The following NRG4 variants were observed in gnomAD, a reference collection of about 807,000 sequenced individuals.
NRG4 encodes neuregulin 4.
A neutral mutation model predicts 15.0 loss-of-function variants in NRG4; 10 were observed. The ratio of observed to expected loss-of-function variants is 0.67; its 90% CI spans 0.41 to 1.13. NRG4 has a LOEUF of 1.13. Among genes scored for constraint, NRG4 ranks in the 50% most tolerant of loss-of-function variants. The pLI is 0.00. For synonymous variants in NRG4, 41 were observed against 50.1 expected (o/e 0.82, Z 0.77); for missense variants, 139 against 140.2 (o/e 0.99, Z 0.04).
At chr15:76,016,933 T>C (rs1206807437), upstream of NRG4, among the ~76,000 whole-genome samples, 1 of 152,176 alleles carries the variant, frequency 6.6e-6, no homozygotes, top group Non-Finnish European at 1.5e-5. Flanking sequence ...GGTGTTAAAG[T>C]TTCCCACTAT....
At chr15:76,049,765 T>C (rs2035953307) in intron 4 of NRG4, among the ~76,000 whole-genome samples, 1 of 150,928 alleles carries the variant, frequency 6.6e-6, no homozygotes, top group Admixed American at 6.6e-5. Context: ...CTGTTTCTCA[T>C]TGTTTGAAAT....
chr15:76,044,045 C>T (rs1023059420), intron 4 of NRG4, among the ~76,000 whole-genome samples: 24 of 152,050 alleles, frequency 1.6e-4, no homozygotes, highest in Admixed American at 4.6e-4. Flanking sequence ...GGCGGGACTG[C>T]GGACTGCAGT....
At chr15:75,996,292 A>G (rs2034212439) in intron 3 of NRG4, among the ~76,000 whole-genome samples, 1 of 152,092 alleles carries the variant, frequency 6.6e-6, no homozygotes, top group Non-Finnish European at 1.5e-5. Flanking sequence ...ACTCTTAACA[A>G]TCTACACTGA....
chr15:75,964,202 C>T (rs373831452), intron 3 of NRG4, among the ~76,000 whole-genome samples: 1 of 152,106 alleles, frequency 6.6e-6, no homozygotes, highest in East Asian at 1.9e-4. Context: ...AGACCACCAT[C>T]ACAATCTATC....
chr15:76,009,092 TCA>T, intron 3 of NRG4, 106 bp downstream of exon 3: 2 of 721,588 alleles, frequency 2.8e-6, no homozygotes, highest in Non-Finnish European at 5.0e-6. Context: ...TGAATATGCC[TCA>T]CATCTTTTCA....
At chr15:75,996,499 A>G (rs2034220653) in intron 3 of NRG4, among the ~76,000 whole-genome samples, 1 of 152,110 alleles carries the variant, frequency 6.6e-6, no homozygotes, top group South Asian at 2.1e-4. Flanking sequence ...AGACAGTGAA[A>G]TAAAGAGATA....
chr15:75,959,110 C>T (rs1200544549), intron 4 of NRG4: 3 of 401,382 alleles, frequency 7.5e-6, no homozygotes, highest in Admixed American at 2.8e-5. Flanking sequence ...GCCTCCCAAG[C>T]AGCTAGGACT....
chr15:76,017,713 G>T (rs969525050), intron 5 of NRG4, among the ~76,000 whole-genome samples: 2 of 152,174 alleles, frequency 1.3e-5, no homozygotes, highest in Admixed American at 6.5e-5. Flanking sequence ...CTAATCTGAT[G>T]AGCTTTCCTT....
intron 4 of NRG4, among the ~76,000 whole-genome samples, chr15:76,044,877 C>T (rs146511920): frequency 0.022 from 3,357 of 149,840 alleles, 377 homozygotes; most frequent in Admixed American, 0.18. Context: ...AGTAATACCC[C>T]ACAAGCACAG....
chr15:76,024,038 G>A (rs942614278), intron 5 of NRG4, among the ~76,000 whole-genome samples: 2 of 152,194 alleles, frequency 1.3e-5, no homozygotes, highest in Non-Finnish European at 2.9e-5. Context: ...CTCTCCTGCT[G>A]AGACACCTCT....
At chr15:75,988,739 A>G (rs2033893906) in intron 3 of NRG4, among the ~76,000 whole-genome samples, 1 of 152,192 alleles carries the variant, frequency 6.6e-6, no homozygotes, top group Non-Finnish European at 1.5e-5. Context: ...TCAATTGGAA[A>G]GAGACAGAGG....
chr15:75,962,687 C>T (rs555529354), intron 3 of NRG4, among the ~76,000 whole-genome samples: 1 of 152,204 alleles, frequency 6.6e-6, no homozygotes, highest in African/African-American at 2.4e-5. Context: ...TTTGGTATTA[C>T]CAATCATTCC....
chr15:75,949,392 CAAAAAA>C (rs59154521), intron 5 of NRG4, among the ~76,000 whole-genome samples: 29 of 144,300 alleles, frequency 2.0e-4, no homozygotes, highest in Non-Finnish European at 1.8e-4. Context: ...GCCTGGGTGA[CAAAAAA>C]AAAAAAAAAA....
upstream of NRG4, among the ~76,000 whole-genome samples, chr15:76,015,833 T>G (rs2034957994): frequency 6.6e-6 from 1 of 152,218 alleles, no homozygotes; most frequent in African/African-American, 2.4e-5. Flanking sequence ...TCTGCCAGGC[T>G]TTGGTATCAG....
At chr15:76,002,170 CACA>C (rs1459920600) in intron 3 of NRG4, among the ~76,000 whole-genome samples, 1 of 152,136 alleles carries the variant, frequency 6.6e-6, no homozygotes, top group African/African-American at 2.4e-5. Flanking sequence ...TATTTGACAG[CACA>C]ACAATAGTAC....
rs2031195264 is a variant in NRG4, at chr15:75,943,415, A to G, written c.*223T>C. 2 of 500,132 alleles carry G rather than the reference A, an allele frequency of 4.0e-6. No homozygotes were observed. Among genetic ancestry groups the G allele is most frequent in the South Asian group, 3.2e-5 (1 of 31,166 alleles). 31.0% of individuals were successfully genotyped at this position (500,132 alleles called of 1,614,324 possible). A position where few individuals can be genotyped will look rare whatever the true frequency, so the allele number is the denominator to read the frequency against. On this transcript the variant is annotated 3_prime_UTR_variant, in exon 6 of 6. Coordinates refer to ENST00000394907, the MANE Select transcript of NRG4 (RefSeq NM_138573.4). ...TCATGTTGAACCAATGTGACTTCGA[A>G]TTATACTGGTATCACCCCCTACTTA... is the stretch of plus-strand genomic sequence containing the variant.
chr15:75,993,671 C>T (rs1293056477), intron 3 of NRG4, among the ~76,000 whole-genome samples: 1 of 150,842 alleles, frequency 6.6e-6, no homozygotes, highest in Non-Finnish European at 1.5e-5. Context: ...TGCACTCAGC[C>T]TGGGTGACAG....
chr15:76,046,737 C>T (rs2035878403), intron 4 of NRG4, among the ~76,000 whole-genome samples: 1 of 151,022 alleles, frequency 6.6e-6, no homozygotes, highest in Non-Finnish European at 1.5e-5. Context: ...GAGAGATGTT[C>T]CATGACATTG....
intron 3 of NRG4, among the ~76,000 whole-genome samples, chr15:75,971,771 TA>T (rs994103383): frequency 6.6e-6 from 1 of 152,012 alleles, no homozygotes; most frequent in Non-Finnish European, 1.5e-5. Flanking sequence ...AAGAAACATT[TA>T]AAAAAAATCT....
Sources: allele counts gnomAD v4.1 joint callset (sites outside exome capture counted in the v4.1 genomes callset), GRCh38; gene constraint gnomAD v4.1.1; transcripts MANE v1.5; gene names NCBI Gene and HGNC (gene_info 2026-07-23, HGNC 2026-07-21).